The following MYO18B variants were observed in gnomAD, a reference collection of about 807,000 sequenced individuals.
MYO18B encodes the protein unconventional myosin-XVIIIb.
In MYO18B, 204 loss-of-function variants were observed where a neutral mutation model predicts 273.0. The observed-to-expected ratio is 0.75, with a 90% CI of 0.67 to 0.84. The LOEUF is 0.84. MYO18B is among the 40% of genes least tolerant of loss of function. The pLI is 0.00. For missense variants in MYO18B, 3,212 were observed against 3,287.6 expected (o/e 0.98, Z 0.56); for synonymous variants, 1,330 against 1,305.7 (o/e 1.02, Z -0.40).
chr22:25,928,349 C>G (rs537233850), intron 34 of MYO18B, among the ~76,000 whole-genome samples: 1 of 147,580 alleles, frequency 6.8e-6, no homozygotes, highest in South Asian at 2.2e-4. Flanking sequence ...AGGTCTTTTT[C>G]TCTGAGCCCA....
At chr22:25,965,040 T>C (rs756909339) in intron 39 of MYO18B, 2 of 152,212 alleles carry the variant, frequency 1.3e-5, no homozygotes, top group Non-Finnish European at 2.9e-5. Context: ...CTGTGTACTT[T>C]TAATCATGTT....
Position 25,936,581 on chromosome 22 carries a change from T to C in MYO18B, c.5518-9556T>C, listed in dbSNP as rs79700407. ...TCTGAAACTGAAAACAGCTACTTCC[T>C]AGAAATGTTACATGTTATAAATTAA... On this transcript the variant is annotated intron_variant, in intron 34 of 43. Coordinates refer to ENST00000335473, the MANE Select transcript of MYO18B (RefSeq NM_032608.7). Among the ~76,000 whole-genome samples the C allele has an allele frequency of 4.1e-3, 632 of 152,322 alleles. 4 individuals carry two copies. The highest frequency in any genetic ancestry group is 0.014 in the African/African-American group (602 of 41,566).
chr22:25,881,630 T>C (rs1215894373), intron 25 of MYO18B, among the ~76,000 whole-genome samples: 1 of 152,114 alleles, frequency 6.6e-6, no homozygotes, highest in African/African-American at 2.4e-5. Context: ...TGTGCGGGGA[T>C]GAGATGAACA....
chr22:25,775,280 G>A, intron 7 of MYO18B, among the ~76,000 whole-genome samples: 1 of 152,212 alleles, frequency 6.6e-6, no homozygotes, highest in South Asian at 2.1e-4. Flanking sequence ...AGGGACTCAT[G>A]ACTGTTCCTC....
chr22:25,843,312 A>G (rs541202854), intron 17 of MYO18B, among the ~76,000 whole-genome samples: 101 of 152,232 alleles, frequency 6.6e-4, no homozygotes, highest in Non-Finnish European at 1.3e-3. Flanking sequence ...ATATTTCATC[A>G]TAATTTCCAT....
At chr22:25,843,197 C>G (rs77676355) in intron 17 of MYO18B, among the ~76,000 whole-genome samples, 2,050 of 152,264 alleles carry the variant, frequency 0.013, 45 homozygotes, top group African/African-American at 0.046. Flanking sequence ...CCCACCCTGT[C>G]TCTTGGAACC....
Position 25,843,829 on chromosome 22 carries a change from G to A in MYO18B, c.3303G>A (p.Trp1101Ter), listed in dbSNP as rs1178875928. Residue 1101 changes from tryptophan (W) to a stop codon, truncating the protein, a stop_gained, in exon 18 of 44, where the codon TGG becomes TGA. Transcript: ENST00000335473. LOFTEE classifies it high-confidence loss of function. Reference sequence around the variant, plus strand: ...CTGTGCGGTACGACCTCACGGGCTGGCTCCACAGAGCCAAGCCCAACCTCT... The same window carrying A: ...CTGTGCGGTACGACCTCACGGGCTGACTCCACAGAGCCAAGCCCAACCTCT... Reference protein sequence around the residue: ...WDPVRYDLTGWLHRAKPNLSA... With the variant: ...WDPVRYDLTG The A allele has an allele frequency of 6.2e-7, 1 of 1,613,730 alleles. No individual in the cohort carries two copies. The highest frequency in any genetic ancestry group is 8.5e-7 in the Non-Finnish European group (1 of 1,179,688).
the MYO18B span, among the ~76,000 whole-genome samples, chr22:26,040,468 G>A: frequency 6.6e-6 from 1 of 152,162 alleles, no homozygotes; most frequent in Non-Finnish European, 1.5e-5. Context: ...ATGATAGTTG[G>A]GGGTGGGAGC....
At chr22:25,763,061 C>A (rs1381951819) in intron 2 of MYO18B, 170 bp from the exon 3 acceptor site, 1 of 793,548 alleles carries the variant, frequency 1.3e-6, no homozygotes, top group Non-Finnish European at 2.3e-6. Context: ...TCTCAGGGAC[C>A]CCCCTGAGTC....
chr22:25,871,746 G>T (rs2091051082), intron 22 of MYO18B, among the ~76,000 whole-genome samples: 1 of 152,128 alleles, frequency 6.6e-6, no homozygotes, highest in Non-Finnish European at 1.5e-5. Context: ...GATTCCACGT[G>T]CAGTCGGCCT....
intron 33 of MYO18B, among the ~76,000 whole-genome samples, chr22:25,914,434 G>C (rs2092222545): frequency 6.6e-6 from 1 of 151,526 alleles, no homozygotes; most frequent in South Asian, 2.1e-4. Flanking sequence ...TACAGATCTT[G>C]GACTTTTTTG....
At chr22:25,982,049 C>T (rs2093154009) in intron 39 of MYO18B, among the ~76,000 whole-genome samples, 1 of 152,040 alleles carries the variant, frequency 6.6e-6, no homozygotes, top group African/African-American at 2.4e-5. Context: ...ATGGCTGGAG[C>T]AGGAGGAAGA....
In MYO18B at chr22:25,833,100, C is replaced by T. The variant is rs1305639020; in HGVS notation, c.3060+103C>T. The T allele has an allele frequency of 4.8e-6, 5 of 1,038,084 alleles. No individual in the cohort carries two copies. The African/African-American group carries it at 6.3e-5, about 13-fold the overall frequency. 64.3% of individuals were successfully genotyped at this position (1,038,084 alleles called of 1,614,324 possible). On this transcript the variant is annotated intron_variant, in intron 16 of 43. Coordinates refer to ENST00000335473, the MANE Select transcript of MYO18B (RefSeq NM_032608.7). ...GTCTACTAGTTGTCAATGCCGTGTG[C>T]ACCTAGAGTCACCCCGGGATCATTG...
the MYO18B span, among the ~76,000 whole-genome samples, chr22:26,038,693 TTTC>T: frequency 6.6e-6 from 1 of 152,134 alleles, no homozygotes; most frequent in African/African-American, 2.4e-5. Flanking sequence ...ACCACGAAAT[TTTC>T]CTATGTGGTC....
At chr22:25,785,591 G>A in intron 11 of MYO18B, 100 bp downstream of exon 11, 3 of 1,272,642 alleles carry the variant, frequency 2.4e-6, no homozygotes, top group Non-Finnish European at 3.4e-6. Context: ...TGGTACTGGG[G>A]TTCATAGTTG....
chr22:25,823,955 C>T (rs529162379), intron 13 of MYO18B, among the ~76,000 whole-genome samples: 1 of 152,266 alleles, frequency 6.6e-6, no homozygotes, highest in African/African-American at 2.4e-5. Flanking sequence ...GCCGATGGAC[C>T]AATGCATTTC....
the MYO18B span, among the ~76,000 whole-genome samples, chr22:26,063,657 C>T: frequency 2.0e-5 from 3 of 152,148 alleles, no homozygotes; most frequent in African/African-American, 4.8e-5. Flanking sequence ...ATCCCAACAA[C>T]TCCACCCCAA....
chr22:25,870,500 G>A (rs1351576438), intron 22 of MYO18B, among the ~76,000 whole-genome samples: 1 of 152,182 alleles, frequency 6.6e-6, no homozygotes, highest in Admixed American at 6.5e-5. Flanking sequence ...TAAAAATATG[G>A]TATTATAATG....
intron 34 of MYO18B, among the ~76,000 whole-genome samples, chr22:25,942,814 T>C (rs2092659913): frequency 6.6e-6 from 1 of 152,010 alleles, no homozygotes; most frequent in Non-Finnish European, 1.5e-5. Flanking sequence ...TCCAGCCCAG[T>C]ATGAGCTAAG....
Sources: allele counts gnomAD v4.1 joint callset (sites outside exome capture counted in the v4.1 genomes callset), GRCh38; gene constraint gnomAD v4.1.1; transcripts MANE v1.5; gene names NCBI Gene and HGNC (gene_info 2026-07-23, HGNC 2026-07-21).